Variants in STK24 observed in about 807,000 individuals in gnomAD.
The protein encoded by STK24 is serine/threonine-protein kinase 24.
A neutral mutation model predicts 55.6 loss-of-function variants in STK24; 21 were observed. The observed-to-expected ratio is 0.38, with a 90% CI of 0.27 to 0.54. STK24 has a LOEUF of 0.54. Ranked by LOEUF, STK24 falls within the 20% of genes least tolerant of loss-of-function variation. The pLI is 0.79. For missense variants in STK24, 383 were observed against 538.4 expected, an observed-to-expected ratio of 0.71 and a Z score of 2.86; for synonymous variants, 200 against 215.2, an observed-to-expected ratio of 0.93 and a Z score of 0.62.
intron 1 of STK24, among the ~76,000 whole-genome samples, chr13:98,533,349 A>G (rs1410162580): frequency 6.6e-6 from 1 of 152,100 alleles, no homozygotes; most frequent in Admixed American, 6.5e-5. Context: ...ACAGAGCGAG[A>G]CTATCTCAGT....
intron 2 of STK24, among the ~76,000 whole-genome samples, chr13:98,503,163 TA>T (rs1355030936): frequency 6.6e-6 from 1 of 151,168 alleles, no homozygotes; most frequent in Non-Finnish European, 1.5e-5. Context: ...GAGTGTTTTT[TA>T]AAAAAAACAA....
In STK24 at chr13:98,450,863, T is replaced by G. The variant is rs1481825471; in HGVS notation, c.*2310A>C. ...ATGCCCTTAAAAACATTGGGGCTGA[T>G]TTTGTGCGTCTACAGAAAGTAACAG... On this transcript the variant is annotated 3_prime_UTR_variant, in exon 11 of 11. Transcript: ENST00000539966. 1 of 152,216 alleles carries G rather than the reference T, an allele frequency of 6.6e-6. No homozygotes were observed. The highest frequency in any genetic ancestry group is 1.5e-5 in the Non-Finnish European group (1 of 68,044). The allele number at this position is 152,216 out of a possible 1,614,324, so 9.4% of individuals were successfully genotyped here.
intron 3 of STK24, among the ~76,000 whole-genome samples, chr13:98,476,886 G>A (rs575524285): frequency 6.6e-6 from 1 of 152,338 alleles, no homozygotes; most frequent in African/African-American, 2.4e-5. Context: ...AGACACACCT[G>A]GAATCCAGCC....
At chr13:98,535,279 G>C (rs1326843992) in intron 1 of STK24, among the ~76,000 whole-genome samples, 1 of 143,314 alleles carries the variant, frequency 7.0e-6, no homozygotes, top group Non-Finnish European at 1.6e-5. Flanking sequence ...GGAGGCTGCA[G>C]TGAGCCAAGA....
At chr13:98,564,220 AC>A (rs1232993785) in intron 1 of STK24, among the ~76,000 whole-genome samples, 4 of 152,280 alleles carry the variant, frequency 2.6e-5, no homozygotes, top group African/African-American at 9.6e-5. Context: ...TACAACAGCT[AC>A]CGAGAAAAGA....
chr13:98,558,880 C>T (rs1470988353), intron 1 of STK24, among the ~76,000 whole-genome samples: 1 of 151,788 alleles, frequency 6.6e-6, no homozygotes, highest in African/African-American at 2.4e-5. Flanking sequence ...TAATATATCC[C>T]TAGGCTGGGC....
intron 1 of STK24, among the ~76,000 whole-genome samples, chr13:98,551,158 C>T (rs549713697): frequency 3.3e-5 from 5 of 151,910 alleles, no homozygotes; most frequent in East Asian, 3.9e-4. Flanking sequence ...TGGTGGCGGG[C>T]GCCTGTAGTC....
At chr13:98,555,832 C>T (rs1897275974) in intron 1 of STK24, among the ~76,000 whole-genome samples, 1 of 151,200 alleles carries the variant, frequency 6.6e-6, no homozygotes, top group Admixed American at 6.6e-5. Context: ...AGGTGCCCGC[C>T]ACCACACCCG....
At chr13:98,526,243 T>C (rs1457978688) in intron 1 of STK24, among the ~76,000 whole-genome samples, 1 of 152,240 alleles carries the variant, frequency 6.6e-6, no homozygotes, top group Non-Finnish European at 1.5e-5. Context: ...TATAATTTTT[T>C]TCGTGGATGC....
chr13:98,469,066 G>A (rs547069332), intron 5 of STK24, among the ~76,000 whole-genome samples: 14 of 152,330 alleles, frequency 9.2e-5, no homozygotes, highest in Admixed American at 8.5e-4. Context: ...AGAGGCCCGA[G>A]GACTTGCTTT....
At chr13:98,572,694 C>G (rs1245243644) in intron 1 of STK24, among the ~76,000 whole-genome samples, 1 of 151,704 alleles carries the variant, frequency 6.6e-6, no homozygotes, top group Admixed American at 6.6e-5. Context: ...AGAAGGGGAA[C>G]GAGGGGGACA....
intron 5 of STK24, among the ~76,000 whole-genome samples, chr13:98,473,384 C>T (rs369068774): frequency 4.7e-5 from 7 of 149,666 alleles, no homozygotes; most frequent in Admixed American, 2.0e-4. Flanking sequence ...GTGGTGTCAT[C>T]CAATGAGTTA....
chr13:98,567,173 T>C (rs1005907956), intron 1 of STK24, among the ~76,000 whole-genome samples: 2 of 152,240 alleles, frequency 1.3e-5, no homozygotes, highest in African/African-American at 4.8e-5. Flanking sequence ...TAACATGCTA[T>C]GGATTTATGG....
intron 2 of STK24, among the ~76,000 whole-genome samples, chr13:98,498,969 G>C (rs1895345817): frequency 6.6e-6 from 1 of 151,648 alleles, no homozygotes; most frequent in Admixed American, 6.6e-5. Flanking sequence ...ACAGCTTCAG[G>C]CAGGCACGGT....
rs373409812 is a variant in STK24 at position 98,448,501 on chromosome 13, C to G, written c.*4672G>C. The G allele has an allele frequency of 3.0e-5, 18 of 590,772 alleles. No individual in the cohort carries two copies. The highest frequency in any genetic ancestry group is 3.0e-5 in the Admixed American group (1 of 33,524). The allele number at this position is 590,772 out of a possible 1,614,324, so 36.6% of individuals were successfully genotyped here. ...CCTCTCAGCGTCTGAATGAACAGCG[C>G]TCCCACCTCCAGTCCTGGCATCCGC... On this transcript the variant is annotated 3_prime_UTR_variant, in exon 11 of 11. Transcript: ENST00000539966.
At chr13:98,461,227 G>A (rs1893693000) in intron 8 of STK24, among the ~76,000 whole-genome samples, 1 of 152,106 alleles carries the variant, frequency 6.6e-6, no homozygotes, top group African/African-American at 2.4e-5. Context: ...GGACTTGTAG[G>A]ATCAACAGGG....
Position 98,576,726 on chromosome 13 carries a change from G to A in STK24, c.42+19C>T. ...CGCCCCGGTCGCGCATCCCGGCCCC[G>A]CGGCCCGCGCCCGCCTACCTGCATG... On this transcript the variant is annotated intron_variant, in intron 1 of 10. Transcript: ENST00000539966. 4 of 1,458,740 alleles carry A rather than the reference G, an allele frequency of 2.7e-6. No homozygotes were observed. Among genetic ancestry groups the A allele is most frequent in the Non-Finnish European group, 9.0e-7 (1 of 1,109,374 alleles). The allele number at this position is 1,458,740 out of a possible 1,614,324, so 90.4% of individuals were successfully genotyped here.
intron 1 of STK24, among the ~76,000 whole-genome samples, chr13:98,532,123 C>T (rs1335553708): frequency 1.3e-5 from 2 of 152,176 alleles, no homozygotes; most frequent in Non-Finnish European, 2.9e-5. Flanking sequence ...TGAGGACCAC[C>T]GGTCTAGTCT....
chr13:98,457,102 T>C, intron 10 of STK24, 66 bp downstream of exon 10: 7 of 1,567,202 alleles, frequency 4.5e-6, no homozygotes, highest in East Asian at 2.3e-5. Context: ...ACCAAACTCA[T>C]CAACTAAGTC....
Sources: gnomAD v4.1 joint callset for allele counts (sites outside exome capture counted in the v4.1 genomes callset) on GRCh38, gnomAD v4.1.1 for gene constraint, MANE v1.5 for transcripts, NCBI Gene and HGNC (gene_info 2026-07-23, HGNC 2026-07-21) for gene names.